The following STAM variants were observed in gnomAD, a reference collection of about 807,000 sequenced individuals.
STAM encodes signal transducing adapter molecule 1.
In STAM, 16 loss-of-function variants were observed where a neutral mutation model predicts 63.4. That is an observed-to-expected ratio of 0.25 (90% CI 0.17 to 0.38). The LOEUF (loss-of-function observed/expected upper bound fraction) is 0.38, where lower values mean the gene tolerates loss of function less well. Ranked by LOEUF, STAM falls within the 10% of genes least tolerant of loss-of-function variation. The probability of loss-of-function intolerance (pLI) is 1.00; values close to 1 mark genes in which losing one functional copy is unlikely to be tolerated. For synonymous variants in STAM, 238 were observed against 223.9 expected (o/e 1.06, Z -0.56); for missense variants, 636 against 657.1 (o/e 0.97, Z 0.35).
chr10:17,685,360 A>G (rs1835252652), intron 4 of STAM, among the ~76,000 whole-genome samples: 1 of 152,174 alleles, frequency 6.6e-6, no homozygotes, highest in Admixed American at 6.5e-5. Flanking sequence ...TTTTAATACT[A>G]TACTGCTATT....
At chr10:17,651,486 A>C (rs1304989061) in intron 1 of STAM, among the ~76,000 whole-genome samples, 1 of 152,222 alleles carries the variant, frequency 6.6e-6, no homozygotes, top group Non-Finnish European at 1.5e-5. Context: ...TTCAGAATAC[A>C]AGTATGTTAA....
At position 17,691,695 on chromosome 10, in the gene STAM, TTGTGGAGACAGACATGTAA is replaced by T. The variant is rs1210991830; in HGVS notation, c.445-1525_445-1507del. On this transcript the variant is annotated intron_variant, in intron 5 of 13. Coordinates refer to ENST00000377524, the MANE Select transcript of STAM (RefSeq NM_003473.4). Reference sequence around the variant, plus strand: ...TTCCCTCAGGGAACATACAGTCTGGTTGTGGAGACAGACATGTAATCAGACAATTATAACAGAAGCTGAG... The same window carrying T: ...TTCCCTCAGGGAACATACAGTCTGGTTCAGACAATTATAACAGAAGCTGAG... Among the ~76,000 whole-genome samples the T allele has an allele frequency of 2.6e-5, 4 of 152,216 alleles. No individual in the cohort carries two copies. The East Asian group carries it at 7.7e-4, about 29-fold the overall frequency.
chr10:17,660,724 T>G (rs1200934225), intron 2 of STAM, among the ~76,000 whole-genome samples, 176 bp downstream of exon 2: 1 of 152,090 alleles, frequency 6.6e-6, no homozygotes, highest in South Asian at 2.1e-4. Flanking sequence ...GAACAGCCAA[T>G]GTACACGAGT....
chr10:17,666,387 A>ATTTTTTTTTTTTTTTTTTTTTTTTTT (rs10673746), intron 2 of STAM, among the ~76,000 whole-genome samples: 1 of 85,924 alleles, frequency 1.2e-5, no homozygotes, highest in Non-Finnish European at 2.1e-5. Flanking sequence ...TTGGCTTTGT[A>ATTTTTTTTTTTTTTTTTTTTTTTTTT]TTTTTTTTTT....
At chr10:17,669,884 C>CTTTTTTTTTTTTTTTTTTT (rs76381388) in intron 2 of STAM, among the ~76,000 whole-genome samples, 4 of 120,768 alleles carry the variant, frequency 3.3e-5, no homozygotes, top group Non-Finnish European at 5.0e-5. Context: ...CTTTTCTTTT[C>CTTTTTTTTTTTTTTTTTTT]TTTTTTTTTT....
intron 1 of STAM, among the ~76,000 whole-genome samples, chr10:17,660,089 A>C (rs540520220): frequency 1.7e-4 from 26 of 152,244 alleles, no homozygotes; most frequent in African/African-American, 5.5e-4. Flanking sequence ...AATTAACTTA[A>C]TTACCTGAAA....
chr10:17,680,754 A>G (rs1434760581), intron 2 of STAM, among the ~76,000 whole-genome samples: 3 of 152,120 alleles, frequency 2.0e-5, no homozygotes, highest in Non-Finnish European at 4.4e-5. Flanking sequence ...ATCATACAGC[A>G]TTTGTCCTGT....
At chr10:17,714,092 C>T (rs1380790197) in intron 13 of STAM, among the ~76,000 whole-genome samples, 4 of 152,144 alleles carry the variant, frequency 2.6e-5, no homozygotes, top group Non-Finnish European at 5.9e-5. Context: ...CTGGCTCACT[C>T]GCTTACTTTT....
chr10:17,671,146 G>A (rs1355330429), intron 2 of STAM, among the ~76,000 whole-genome samples: 1 of 152,068 alleles, frequency 6.6e-6, no homozygotes, highest in Non-Finnish European at 1.5e-5. Context: ...TGTCTGCTAG[G>A]TCCTGGTATA....
At chr10:17,645,998 AAATTTCTT>A (rs1437787631) in intron 1 of STAM, among the ~76,000 whole-genome samples, 1 of 152,240 alleles carries the variant, frequency 6.6e-6, no homozygotes, top group Non-Finnish European at 1.5e-5. Flanking sequence ...GGATTCAGGT[AAATTTCTT>A]AATGTCAAAC....
chr10:17,714,420 T>G (rs1401884194), intron 13 of STAM, 123 bp from the exon 14 acceptor site: 6 of 910,572 alleles, frequency 6.6e-6, no homozygotes, highest in African/African-American at 6.6e-5. Context: ...TATAGCTGTT[T>G]AGTAAAAGGT....
At position 17,708,824 on chromosome 10, in the gene STAM, G is replaced by A. The variant is rs782010823; in HGVS notation, c.1258G>A (p.Ala420Thr). ...PSGAYLVAGN[A>T]QMSHLQSYSL... ...TGGTGCCTACCTGGTTGCAGGGAAC[G>A]CGCAGATGAGCCACCTCCAGAGCTA... Residue 420 changes from alanine to threonine, a missense_variant, in exon 13 of 14, where the codon GCG (alanine) becomes ACG (threonine). By Grantham distance (58) the Ala-to-Thr change is moderately conservative. Coordinates refer to ENST00000377524, the MANE Select transcript of STAM (RefSeq NM_003473.4). 8.1e-6 allele frequency: 13 copies of A among 1,614,096 alleles called. No homozygotes were observed. The highest frequency in any genetic ancestry group is 3.3e-5 in the South Asian group (3 of 91,076).
intron 2 of STAM, among the ~76,000 whole-genome samples, chr10:17,683,433 A>T (rs1403006673): frequency 2.0e-5 from 3 of 152,152 alleles, no homozygotes; most frequent in Non-Finnish European, 4.4e-5. Context: ...AAATGCTGGA[A>T]TTATAGGTGT....
intron 2 of STAM, among the ~76,000 whole-genome samples, chr10:17,669,704 T>C (rs1244415536): frequency 3.3e-5 from 5 of 150,898 alleles, no homozygotes; most frequent in African/African-American, 7.3e-5. Context: ...TTCTTTCTTT[T>C]TTTTTTTTTC....
In STAM at chr10:17,716,176, A is replaced by G. The variant is rs1342418054; in HGVS notation, c.*1396A>G. On this transcript the variant is annotated 3_prime_UTR_variant, in exon 14 of 14. Coordinates refer to ENST00000377524, the MANE Select transcript of STAM (RefSeq NM_003473.4). The stretch of plus-strand genomic sequence containing the variant: ...AAACAACGGAAAAGTTGAGTCGAAC[A>G]TCATATTTAATGAATTGATGTAACA... Among the ~76,000 whole-genome samples the G allele has an allele frequency of 6.6e-6, 1 of 152,184 alleles. No individual in the cohort carries two copies. The highest frequency in any genetic ancestry group is 1.5e-5 in the Non-Finnish European group (1 of 68,010).
At chr10:17,674,400 A>G (rs1009610673) in intron 2 of STAM, among the ~76,000 whole-genome samples, 7 of 152,168 alleles carry the variant, frequency 4.6e-5, no homozygotes, top group Non-Finnish European at 8.8e-5. Flanking sequence ...GTAGTCACAT[A>G]GTGCCTGGGA....
At chr10:17,706,443 A>G (rs574585505) in intron 12 of STAM, among the ~76,000 whole-genome samples, 1 of 130,074 alleles carries the variant, frequency 7.7e-6, no homozygotes, top group African/African-American at 3.0e-5. Flanking sequence ...CAGTGCTGCA[A>G]TCTCAGCTCA....
At chr10:17,702,772 G>C (rs1190445439) in intron 9 of STAM, among the ~76,000 whole-genome samples, 1 of 152,108 alleles carries the variant, frequency 6.6e-6, no homozygotes, top group Admixed American at 6.5e-5. Context: ...CACTTCGGGA[G>C]GCCGAGGCGG....
intron 2 of STAM, among the ~76,000 whole-genome samples, chr10:17,677,986 T>C (rs1462559097): frequency 6.6e-6 from 1 of 152,200 alleles, no homozygotes; most frequent in Admixed American, 6.5e-5. Context: ...ACATATATAT[T>C]TCACATACCA....
Sources: gnomAD v4.1 joint callset for allele counts (sites outside exome capture counted in the v4.1 genomes callset) on GRCh38, gnomAD v4.1.1 for gene constraint, MANE v1.5 for transcripts, NCBI Gene and HGNC (gene_info 2026-07-23, HGNC 2026-07-21) for gene names.